SLC9A9: variants seen among roughly 807,000 people sequenced by gnomAD.
SLC9A9 encodes sodium/hydrogen exchanger 9.
A neutral mutation model predicts 77.8 loss-of-function variants in SLC9A9; 62 were observed. The observed-to-expected ratio is 0.80, with a 90% CI of 0.65 to 0.98. The LOEUF (loss-of-function observed/expected upper bound fraction) is 0.98. Ranked by LOEUF, SLC9A9 falls within the 50% of genes least tolerant of loss-of-function variation. SLC9A9 has a pLI of 0.00. For missense variants in SLC9A9, 775 were observed against 774.9 expected (o/e 1.00, Z 0.00); for synonymous variants, 320 against 283.5 (o/e 1.13, Z -1.29).
intron 2 of SLC9A9, among the ~76,000 whole-genome samples, chr3:143,827,717 C>G (rs16854423): frequency 1.3e-5 from 2 of 152,120 alleles, no homozygotes; most frequent in African/African-American, 4.8e-5. Context: ...TCCAGCCTCT[C>G]CAAATCCTGA....
intron 12 of SLC9A9, among the ~76,000 whole-genome samples, chr3:143,449,985 TATATATACATATATATACATATATGC>T (rs1559921956): frequency 1.7e-5 from 1 of 59,396 alleles, no homozygotes; most frequent in Non-Finnish European, 2.6e-5. Flanking sequence ...ATATTATATG[TATATATACATATATATACATATATGC>T]ATATATACAT....
chr3:143,723,630 C>G (rs1934560981), intron 4 of SLC9A9, among the ~76,000 whole-genome samples: 1 of 152,186 alleles, frequency 6.6e-6, no homozygotes, highest in South Asian at 2.1e-4. Context: ...ATACTGGACT[C>G]AACTTGCAGG....
intron 6 of SLC9A9, among the ~76,000 whole-genome samples, chr3:143,585,482 T>C (rs956062196): frequency 1.3e-4 from 20 of 152,192 alleles, no homozygotes; most frequent in Admixed American, 3.3e-4. Flanking sequence ...TGAACCAATG[T>C]ACATCTTACA....
At chr3:143,440,659 C>T (rs2034716396) in intron 12 of SLC9A9, among the ~76,000 whole-genome samples, 1 of 152,190 alleles carries the variant, frequency 6.6e-6, no homozygotes, top group Non-Finnish European at 1.5e-5. Flanking sequence ...CACAGCAAGC[C>T]TTTGCTTACC....
At chr3:143,589,873 G>A (rs986110741) in intron 6 of SLC9A9, among the ~76,000 whole-genome samples, 6 of 152,050 alleles carry the variant, frequency 3.9e-5, no homozygotes, top group African/African-American at 7.2e-5. Flanking sequence ...GAAATAACTC[G>A]AACATACACC....
intron 12 of SLC9A9, among the ~76,000 whole-genome samples, chr3:143,414,953 C>CGGTGTGT (rs2034165211): frequency 1.3e-5 from 2 of 152,214 alleles, no homozygotes; most frequent in Non-Finnish European, 2.9e-5. Flanking sequence ...AAAGATGCTA[C>CGGTGTGT]TCCTGGGAAC....
chr3:143,301,042 T>C (rs1167217375), intron 14 of SLC9A9, among the ~76,000 whole-genome samples: 1 of 152,210 alleles, frequency 6.6e-6, no homozygotes, highest in Non-Finnish European at 1.5e-5. Flanking sequence ...ATTCAGCCCC[T>C]AATCCTCACC....
At chr3:143,446,042 G>T (rs2034835465) in intron 12 of SLC9A9, among the ~76,000 whole-genome samples, 1 of 152,060 alleles carries the variant, frequency 6.6e-6, no homozygotes, top group Admixed American at 6.6e-5. Flanking sequence ...TGCTGTAAAG[G>T]ACAGCAGAGA....
intron 4 of SLC9A9, among the ~76,000 whole-genome samples, chr3:143,739,165 C>G (rs1935019693): frequency 6.6e-6 from 1 of 152,118 alleles, no homozygotes; most frequent in Non-Finnish European, 1.5e-5. Flanking sequence ...CCCTGCAGCT[C>G]TCGTGGGGCC....
intron 4 of SLC9A9, among the ~76,000 whole-genome samples, chr3:143,726,633 T>C (rs1934663063): frequency 6.6e-6 from 1 of 152,102 alleles, no homozygotes. Context: ...AGCTATAATG[T>C]AAGTATTTTT....
chr3:143,423,202 C>T (rs2034333373), intron 12 of SLC9A9, among the ~76,000 whole-genome samples: 1 of 109,516 alleles, frequency 9.1e-6, no homozygotes, highest in Non-Finnish European at 2.0e-5. Flanking sequence ...TCTCTACTTA[C>T]CCTCACACAC....
intron 6 of SLC9A9, among the ~76,000 whole-genome samples, chr3:143,643,094 A>G (rs1026897585): frequency 6.0e-5 from 9 of 151,260 alleles, no homozygotes; most frequent in African/African-American, 1.2e-4. Context: ...CGGCCTGTAC[A>G]TTTTTTATTG....
chr3:143,475,091 T>G (rs2035450546), intron 11 of SLC9A9, among the ~76,000 whole-genome samples: 1 of 151,804 alleles, frequency 6.6e-6, no homozygotes, highest in African/African-American at 2.4e-5. Context: ...CCTGAGTAGC[T>G]GGGACTACAG....
intron 12 of SLC9A9, among the ~76,000 whole-genome samples, chr3:143,431,485 CT>C (rs35264017): frequency 0.037 from 4,830 of 130,002 alleles, 105 homozygotes; most frequent in Non-Finnish European, 0.052. Flanking sequence ...CTGCCCCCAC[CT>C]TTTTTTTTTT....
At chr3:143,531,558 C>A (rs2108621845) in intron 9 of SLC9A9, among the ~76,000 whole-genome samples, 1 of 152,288 alleles carries the variant, frequency 6.6e-6, no homozygotes, top group Middle Eastern at 3.4e-3. Flanking sequence ...GCAGTCTACA[C>A]AAATCTTCAC....
intron 9 of SLC9A9, chr3:143,517,492 C>T: frequency 6.3e-7 from 1 of 1,597,840 alleles, no homozygotes; most frequent in Non-Finnish European, 8.5e-7. Flanking sequence ...TTTCTTTGAT[C>T]TCTCGCTCTT....
At chr3:143,717,029 C>G (rs1454296335) in intron 4 of SLC9A9, among the ~76,000 whole-genome samples, 2 of 152,158 alleles carry the variant, frequency 1.3e-5, no homozygotes, top group African/African-American at 4.8e-5. Context: ...CAATCAGTAG[C>G]TCCTAGAGTT....
chr3:143,366,633 A>G (rs1204054095), intron 13 of SLC9A9, among the ~76,000 whole-genome samples: 1 of 152,228 alleles, frequency 6.6e-6, no homozygotes, highest in African/African-American at 2.4e-5. Flanking sequence ...ATACTTGAAC[A>G]CTTGCCATAT....
chr3:143,746,322 C>T (rs930413282), intron 4 of SLC9A9, among the ~76,000 whole-genome samples: 1 of 152,164 alleles, frequency 6.6e-6, no homozygotes, highest in African/African-American at 2.4e-5. Context: ...TATTTAGTGT[C>T]CCCTGAGTGT....
Sources: gnomAD v4.1 joint callset for allele counts (sites outside exome capture counted in the v4.1 genomes callset) on GRCh38, gnomAD v4.1.1 for gene constraint, MANE v1.5 for transcripts, NCBI Gene and HGNC (gene_info 2026-07-23, HGNC 2026-07-21) for gene names.